CRAMP1: variants seen among roughly 807,000 people sequenced by gnomAD.
CRAMP1 encodes protein cramped-like.
In CRAMP1, 50 loss-of-function variants were observed where a neutral mutation model predicts 115.4. That is an observed-to-expected ratio of 0.43 (90% CI 0.35 to 0.55). The LOEUF is 0.55. Among genes scored for constraint, CRAMP1 ranks in the 20% least tolerant of loss-of-function variants. CRAMP1 has a pLI of 0.01. For synonymous variants in CRAMP1, 866 were observed against 745.4 expected, an observed-to-expected ratio of 1.16 and a Z score of -2.64; for missense variants, 1,679 against 1,721.7, an observed-to-expected ratio of 0.98 and a Z score of 0.44.
rs755514970 is a variant in CRAMP1 at position 1,666,579 on chromosome 16, A to T, written c.3015A>T (p.Gly1005=). 3.1e-6 allele frequency: 5 copies of T among 1,613,834 alleles called. No individual in the cohort carries two copies. The East Asian group carries it at 1.1e-4, about 36-fold the overall frequency. The change falls in exon 16 of 21, where the codon GGA becomes GGT. Residue 1005 remains glycine, a synonymous_variant. Transcript: ENST00000397412. This position sits in a 1 kb window ranked among gnomAD's most constrained non-coding sequence, Gnocchi z 5.0. ...GQDSTGTHQD[G]DTLPTVGGSD... ...ACTCTACTGGAACTCACCAGGATGGAGACACCCTCCCCACCGTGGGGGTGA... is the reference window on the plus strand; with the variant it reads ...ACTCTACTGGAACTCACCAGGATGGTGACACCCTCCCCACCGTGGGGGTGA...
intron 1 of CRAMP1, among the ~76,000 whole-genome samples, 23 bp downstream of exon 1, chr16:1,612,680 G>A (rs1262706970): frequency 6.6e-6 from 1 of 152,142 alleles, no homozygotes; most frequent in African/African-American, 2.4e-5. Flanking sequence ...GGGCGGCGGG[G>A]CTGTCATGGC....
intron 20 of CRAMP1, among the ~76,000 whole-genome samples, chr16:1,673,511 ACT>A (rs141193158): frequency 0.022 from 3,293 of 151,936 alleles, 146 homozygotes; most frequent in African/African-American, 0.075. Flanking sequence ...TTTTCCCGGC[ACT>A]CTCTGTCCCC....
Position 1,667,340 on chromosome 16 carries a change from C to T in CRAMP1, c.3042C>T (p.Ser1014=), listed in dbSNP as rs200749797. Residue 1014 remains serine (S), a synonymous_variant, in exon 17 of 21, where the codon TCC becomes TCT. Coordinates refer to ENST00000397412, the MANE Select transcript of CRAMP1 (RefSeq NM_020825.4). ...DGDTLPTVGG[S]DPFVSIPSRP... ...TGGGCGTGCTCTTCCTGCAGGGCTC[C>T]GACCCATTTGTCAGCATCCCTTCGA... 50 of 1,613,038 alleles carry T rather than the reference C, an allele frequency of 3.1e-5. No homozygotes were observed. The East Asian group carries it at 4.5e-4, about 14-fold the overall frequency.
chr16:1,613,249 T>A (rs72761142), intron 1 of CRAMP1, among the ~76,000 whole-genome samples: 10,383 of 149,014 alleles, frequency 0.07, 471 homozygotes, highest in Non-Finnish European at 0.096. Flanking sequence ...GAGTTTTTTT[T>A]AAAACTAGCA....
intron 10 of CRAMP1, 75 bp from the exon 11 acceptor site, chr16:1,659,811 C>T (rs528405335): frequency 3.6e-6 from 5 of 1,374,476 alleles, no homozygotes; most frequent in Non-Finnish European, 4.1e-6. Context: ...TTTCTTGTGC[C>T]TCCTACTCCA....
At chr16:1,661,999 C>T (rs1258973392) in intron 11 of CRAMP1, among the ~76,000 whole-genome samples, 2 of 152,246 alleles carry the variant, frequency 1.3e-5, no homozygotes, top group Non-Finnish European at 2.9e-5. Context: ...TCACTGCCTG[C>T]TGTTTATAAA....
chr16:1,643,168 C>T (rs1418422729), intron 6 of CRAMP1, among the ~76,000 whole-genome samples: 5 of 151,996 alleles, frequency 3.3e-5, no homozygotes, highest in South Asian at 2.1e-4. Context: ...TGTAGTCTCC[C>T]GAGTGATGAC....
chr16:1,670,645 T>C lies in CRAMP1; in HGVS notation c.3500-19T>C. 6.2e-7 allele frequency: 1 copy of C among 1,613,618 alleles called. No individual in the cohort carries two copies. Among genetic ancestry groups the C allele is most frequent in the East Asian group, 2.2e-5 (1 of 44,872 alleles). On this transcript the variant is annotated intron_variant, in intron 19 of 20. Coordinates refer to ENST00000397412, the MANE Select transcript of CRAMP1 (RefSeq NM_020825.4). ...CCAAGCAGGGTTCAGGGTGTTTTCC[T>C]CTGGCCTTTTCTCCGCAGCAAGCTT...
At chr16:1,641,423 G>A (rs1055652884) in intron 6 of CRAMP1, among the ~76,000 whole-genome samples, 1 of 152,172 alleles carries the variant, frequency 6.6e-6, no homozygotes, top group South Asian at 2.1e-4. Flanking sequence ...CCTCCTTCCC[G>A]AGGGTCTCTG....
At chr16:1,612,986 C>A (rs1273581341) in intron 1 of CRAMP1, among the ~76,000 whole-genome samples, 1 of 152,018 alleles carries the variant, frequency 6.6e-6, no homozygotes, top group Non-Finnish European at 1.5e-5. Flanking sequence ...TCCCCGTGCT[C>A]GGTCGGCGTC....
chr16:1,616,722 C>G (rs1758908831), intron 2 of CRAMP1, among the ~76,000 whole-genome samples: 2 of 152,030 alleles, frequency 1.3e-5, no homozygotes, highest in African/African-American at 4.8e-5. Context: ...AAGCGTGGGA[C>G]TTTTCATTAA....
rs1443838044 is a variant in CRAMP1 at position 1,666,538 on chromosome 16, G to C, written c.2974G>C (p.Ala992Pro). ...SPLSSDEVTG[A>P]ISGQDSTGTH... is the part of the protein sequence containing the mutation. ...ACTGTCTTCAGACGAGGTGACGGGTGCCATCTCGGGGCAGGACTCTACTGG... is the reference window on the plus strand; with the variant it reads ...ACTGTCTTCAGACGAGGTGACGGGTCCCATCTCGGGGCAGGACTCTACTGG... Residue 992 changes from alanine to proline, a missense_variant, in exon 16 of 21, where the codon GCC becomes CCC. This residue lies in a region of CRAMP1 where 709 missense variants were observed against 741.9 expected (regional missense o/e 0.96). Coordinates refer to ENST00000397412, the MANE Select transcript of CRAMP1 (RefSeq NM_020825.4). This position sits in a 1 kb window ranked among gnomAD's most constrained non-coding sequence, Gnocchi z 5.0. 3.1e-6 allele frequency: 5 copies of C among 1,613,994 alleles called. No individual in the cohort carries two copies. In the African/African-American group the frequency reaches 5.3e-5, roughly 17 times the overall value.
At chr16:1,617,866 C>T (rs1475118375) in intron 2 of CRAMP1, among the ~76,000 whole-genome samples, 1 of 152,162 alleles carries the variant, frequency 6.6e-6, no homozygotes, top group African/African-American at 2.4e-5. Flanking sequence ...GGATTTAGTG[C>T]CTGTTTGCCA....
At chr16:1,654,012 G>A (rs1283864752) in intron 8 of CRAMP1, among the ~76,000 whole-genome samples, 3 of 141,390 alleles carry the variant, frequency 2.1e-5, no homozygotes, top group African/African-American at 7.9e-5. Context: ...GCGTGGTGGT[G>A]GGTGCTTGTA....
intron 6 of CRAMP1, among the ~76,000 whole-genome samples, chr16:1,644,823 A>C (rs887826802): frequency 6.6e-6 from 1 of 152,018 alleles, no homozygotes; most frequent in African/African-American, 2.4e-5. Flanking sequence ...AGAGATGGGG[A>C]CGCTGTTGGA....
chr16:1,666,258 C>G lies in CRAMP1; in HGVS notation c.2857+81C>G. 8.1e-7 allele frequency: 1 copy of G among 1,230,538 alleles called. No individual in the cohort carries two copies. Among genetic ancestry groups the G allele is most frequent in the Admixed American group, 2.0e-5 (1 of 49,772 alleles). The allele number at this position is 1,230,538 out of a possible 1,614,324, so 76.2% of individuals were successfully genotyped here. On this transcript the variant is annotated intron_variant, in intron 15 of 20. Transcript: ENST00000397412. This position sits in a 1 kb window ranked among gnomAD's most constrained non-coding sequence, Gnocchi z 5.0. ...TGTGACCAGGTTTTTTGAATGTTTT[C>G]TTCTCCAAATCATAATGTCTCATTA...
At chr16:1,642,715 G>A (rs1030673731) in intron 6 of CRAMP1, among the ~76,000 whole-genome samples, 5 of 152,208 alleles carry the variant, frequency 3.3e-5, no homozygotes, top group Non-Finnish European at 5.9e-5. Flanking sequence ...AGTAGGCAAG[G>A]GGCTGTCCCA....
chr16:1,618,931 G>A (rs1161072225), intron 2 of CRAMP1, among the ~76,000 whole-genome samples: 2 of 152,196 alleles, frequency 1.3e-5, no homozygotes, highest in African/African-American at 4.8e-5. Flanking sequence ...TTTGAAGGCT[G>A]AGCTGCTTTT....
chr16:1,656,451 T>G lies in CRAMP1; in HGVS notation c.1694T>G (p.Leu565Arg). The G allele has an allele frequency of 1.3e-6, 2 of 1,582,662 alleles. No homozygotes were observed. Among genetic ancestry groups the G allele is most frequent in the Non-Finnish European group, 1.7e-6 (2 of 1,165,036 alleles). ...LSLLDPLPRY[L>R]KSCQDLIVPE... The stretch of plus-strand genomic sequence containing the variant: ...CTTCTAGACCCCTTGCCCCGCTACC[T>G]AAAGTCCTGTCAGGACCTCATTGTC... The change falls in exon 10 of 21, where the codon CTA becomes CGA. Residue 565 changes from leucine to arginine, a missense_variant. Around this residue, in one of 8 missense-constraint regions of CRAMP1, gnomAD observed 405 missense variants for 302.6 expected, o/e 1.34. Transcript: ENST00000397412. This position sits in a 1 kb window ranked among gnomAD's most constrained non-coding sequence, Gnocchi z 5.6.
Sources: gnomAD v4.1 joint callset for allele counts (sites outside exome capture counted in the v4.1 genomes callset) on GRCh38, gnomAD v4.1.1 for gene constraint, gnomAD v4.1.1 regional missense constraint, Gnocchi (gnomAD v3.1) non-coding constraint, MANE v1.5 for transcripts, NCBI Gene and HGNC (gene_info 2026-07-23, HGNC 2026-07-21) for gene names.